The following XRN2 variants were observed in gnomAD, a reference collection of about 807,000 sequenced individuals.
XRN2 encodes the protein DHM1-like protein.
A neutral mutation model predicts 138.5 loss-of-function variants in XRN2; 44 were observed. The observed-to-expected ratio is 0.32, with a 90% CI of 0.25 to 0.41. The LOEUF is 0.41. Among genes scored for constraint, XRN2 ranks in the 10% least tolerant of loss-of-function variants. XRN2 has a pLI of 1.00. For synonymous variants in XRN2, 354 were observed against 369.4 expected (o/e 0.96, Z 0.48); for missense variants, 937 against 1,169.3 (o/e 0.80, Z 2.90).
intron 23 of XRN2, 74 bp from the exon 24 acceptor site, chr20:21,357,662 A>G (rs1402381830): frequency 8.2e-7 from 1 of 1,225,738 alleles, no homozygotes; most frequent in Non-Finnish European, 1.1e-6. Flanking sequence ...TAACAAACAT[A>G]GCAACATCTT....
At chr20:21,322,566 GT>G (rs1471363287) in intron 1 of XRN2, among the ~76,000 whole-genome samples, 5 of 152,076 alleles carry the variant, frequency 3.3e-5, no homozygotes, top group African/African-American at 1.2e-4. Flanking sequence ...TCCTTTGTAG[GT>G]TTAAACAAAA....
intron 24 of XRN2, among the ~76,000 whole-genome samples, chr20:21,363,966 C>G (rs966112513): frequency 1.3e-5 from 2 of 152,092 alleles, no homozygotes; most frequent in African/African-American, 4.8e-5. Flanking sequence ...GAGTCTCACT[C>G]TGTCGCCCAG....
At position 21,366,589 on chromosome 20, in the gene XRN2, A is replaced by G. The variant is rs951074405; in HGVS notation, c.2456+885A>G. 3.9e-5 allele frequency among the ~76,000 whole-genome samples: 6 copies of G among 152,004 alleles called. No individual in the cohort carries two copies. In the East Asian group the frequency reaches 7.8e-4, roughly 20 times the overall value. ...AAAAAAAAAAAGGGAAAAAAAGAAA[A>G]TACTGAGTTTGTTTCACACATATAT... On this transcript the variant is annotated intron_variant, in intron 26 of 29. Transcript: ENST00000377191.
At chr20:21,347,319 A>G (rs928073643) in intron 17 of XRN2, among the ~76,000 whole-genome samples, 38 of 152,238 alleles carry the variant, frequency 2.5e-4, no homozygotes, top group Non-Finnish European at 4.4e-5. Context: ...AATAACCTGT[A>G]TCCTACCTTT....
At position 21,327,116 on chromosome 20, in the gene XRN2, C is replaced by T. The variant is rs114584321; in HGVS notation, c.315+515C>T. On this transcript the variant is annotated intron_variant, in intron 3 of 29. Coordinates refer to ENST00000377191, the MANE Select transcript of XRN2 (RefSeq NM_012255.5). The stretch of plus-strand genomic sequence containing the variant: ...AAATGTGGCAGGTAAACACACTTTC[C>T]GTGCCTTTGACCACACTGACATGTT... Among the ~76,000 whole-genome samples the T allele has an allele frequency of 7.7e-3, 1,165 of 152,198 alleles. 10 individuals carry two copies. The highest frequency in any genetic ancestry group is 0.026 in the African/African-American group (1,068 of 41,502).
chr20:21,322,905 C>T (rs1057056319), intron 1 of XRN2, among the ~76,000 whole-genome samples: 1 of 152,198 alleles, frequency 6.6e-6, no homozygotes, highest in African/African-American at 2.4e-5. Context: ...TAGGGGTGCT[C>T]TCTGTTCCTT....
At position 21,320,279 on chromosome 20, in the gene XRN2, G is replaced by GTATTTATTTATGTATTTATT. The variant is rs1555783270; in HGVS notation, c.76-5989_76-5988insGTATTTATTTATTTATTTAT. 3.1e-3 allele frequency among the ~76,000 whole-genome samples: 278 copies of GTATTTATTTATGTATTTATT among 88,686 alleles called. 2 individuals carry two copies. Among genetic ancestry groups the GTATTTATTTATGTATTTATT allele is most frequent in the Non-Finnish European group, 3.3e-3 (135 of 40,718 alleles). The allele number at this position is 88,686 out of a possible 152,430, so 58.2% of individuals were successfully genotyped here. On this transcript the variant is annotated intron_variant, in intron 1 of 29. Transcript: ENST00000377191. ...CTATTGGCATCATTTATTTATTTATGTATTTATTTATTTATGTATTTATTT... is the reference window on the plus strand; with the variant it reads ...CTATTGGCATCATTTATTTATTTATGTATTTATTTATGTATTTATTTATTTATTTATTTATGTATTTATTT...
rs771186945 is a variant in XRN2 at position 21,365,713 on chromosome 20, T to C, written c.2456+9T>C. 1.2e-5 allele frequency: 20 copies of C among 1,606,118 alleles called. No homozygotes were observed. Among genetic ancestry groups the C allele is most frequent in the Non-Finnish European group, 1.6e-5 (19 of 1,177,184 alleles). The stretch of plus-strand genomic sequence containing the variant: ...GCCTTCAGGACTTTGGGGTGAGTTG[T>C]CAGTTTTTAGCCCTTGTATATTTTG... On this transcript the variant is annotated intron_variant, in intron 26 of 29. Transcript: ENST00000377191.
intron 1 of XRN2, among the ~76,000 whole-genome samples, chr20:21,323,326 C>A (rs1692251656): frequency 6.6e-6 from 1 of 152,144 alleles, no homozygotes; most frequent in African/African-American, 2.4e-5. Flanking sequence ...TTCATGTGGT[C>A]TTGGGGTAGA....
At chr20:21,377,102 A>T (rs764314666) in intron 27 of XRN2, among the ~76,000 whole-genome samples, 17 of 152,138 alleles carry the variant, frequency 1.1e-4, no homozygotes, top group Admixed American at 4.6e-4. Flanking sequence ...TCATTCCCTG[A>T]TACTTTTGTA....
intron 28 of XRN2, among the ~76,000 whole-genome samples, chr20:21,386,462 A>AG (rs2038937716): frequency 6.6e-6 from 1 of 152,258 alleles, no homozygotes; most frequent in Non-Finnish European, 1.5e-5. Context: ...AATGGATCCA[A>AG]GAACGAGTCT....
chr20:21,383,902 A>G (rs1181274437), intron 28 of XRN2, among the ~76,000 whole-genome samples: 1 of 152,234 alleles, frequency 6.6e-6, no homozygotes, highest in Non-Finnish European at 1.5e-5. Context: ...TGTGAGCATA[A>G]TAGAGTTCTA....
intron 9 of XRN2, 80 bp from the exon 10 acceptor site, chr20:21,333,464 A>G: frequency 7.0e-7 from 1 of 1,420,014 alleles, no homozygotes; most frequent in African/African-American, 1.4e-5. Flanking sequence ...TGCGTTAGAA[A>G]AAGCCTTAAA....
At position 21,334,072 on chromosome 20, in the gene XRN2, T is replaced by C. The variant is rs200725103; in HGVS notation, c.1126-6T>C. On this transcript the variant is annotated splice_polypyrimidine_tract_variant and splice_region_variant and intron_variant, in intron 12 of 29. Coordinates refer to ENST00000377191, the MANE Select transcript of XRN2 (RefSeq NM_012255.5). ...GATCATTTTACATATATTTTATCAC[T>C]TACAGGGTTACCTTACAGAAAGTGG... 8 of 1,613,952 alleles carry C rather than the reference T, an allele frequency of 5.0e-6. No homozygotes were observed. In the African/African-American group the frequency reaches 1.1e-4, roughly 22 times the overall value.
chr20:21,384,599 T>C (rs2038918609), intron 28 of XRN2, among the ~76,000 whole-genome samples: 1 of 152,192 alleles, frequency 6.6e-6, no homozygotes, highest in Admixed American at 6.5e-5. Flanking sequence ...CAAGTGATTC[T>C]GATGCTTCAG....
chr20:21,371,493 C>T (rs1247047059), intron 27 of XRN2, among the ~76,000 whole-genome samples: 3 of 152,208 alleles, frequency 2.0e-5, no homozygotes, highest in African/African-American at 7.2e-5. Context: ...TGGCTAACAG[C>T]TGCTTCCCGT....
chr20:21,389,634 G>A lies in XRN2; in HGVS notation c.*296G>A. 1 of 250,932 alleles carries A rather than the reference G, an allele frequency of 4.0e-6. No homozygotes were observed. Among genetic ancestry groups the A allele is most frequent in the Admixed American group, 5.4e-5 (1 of 18,562 alleles). The allele number at this position is 250,932 out of a possible 1,614,324, so 15.5% of individuals were successfully genotyped here. On this transcript the variant is annotated 3_prime_UTR_variant, in exon 30 of 30. Coordinates refer to ENST00000377191, the MANE Select transcript of XRN2 (RefSeq NM_012255.5). ...AACCAGCTGTGGATTTCAAAACACA[G>A]TGTATTCTAGATCATCTAAGATCCA...
At chr20:21,312,423 T>C (rs1486879535) in intron 1 of XRN2, among the ~76,000 whole-genome samples, 2 of 152,156 alleles carry the variant, frequency 1.3e-5, no homozygotes, top group Non-Finnish European at 2.9e-5. Context: ...TTTCATTTTA[T>C]TCCCTTTGCT....
At chr20:21,354,444 C>G (rs1047666121) in intron 20 of XRN2, among the ~76,000 whole-genome samples, 2 of 152,060 alleles carry the variant, frequency 1.3e-5, no homozygotes, top group African/African-American at 4.8e-5. Context: ...AACTGGCTTG[C>G]TTGGGGGCAT....
Sources: allele counts gnomAD v4.1 joint callset (sites outside exome capture counted in the v4.1 genomes callset), GRCh38; gene constraint gnomAD v4.1.1; transcripts MANE v1.5; gene names NCBI Gene and HGNC (gene_info 2026-07-23, HGNC 2026-07-21).